The following PEBP4 variants were observed in gnomAD, a reference collection of about 807,000 sequenced individuals.
PEBP4 encodes the protein phosphatidylethanolamine-binding protein 4.
In PEBP4, 22 loss-of-function variants were observed where a neutral mutation model predicts 23.9. The observed-to-expected ratio is 0.92, with a 90% CI of 0.66 to 1.31. PEBP4 has a LOEUF of 1.31. Ranked by LOEUF, PEBP4 falls within the 40% of genes most tolerant of loss-of-function variation. PEBP4 has a pLI of 0.00. For synonymous variants in PEBP4, 112 were observed against 99.3 expected (o/e 1.13, Z -0.76); for missense variants, 324 against 281.7 (o/e 1.15, Z -1.07).
At chr8:22,727,954 G>A (rs1804650969) in intron 4 of PEBP4, among the ~76,000 whole-genome samples, 1 of 152,184 alleles carries the variant, frequency 6.6e-6, no homozygotes, top group South Asian at 2.1e-4. Flanking sequence ...ACTGGGAGAT[G>A]CTCAGATGAA....
chr8:22,844,425 G>T (rs1480111367), intron 3 of PEBP4, among the ~76,000 whole-genome samples: 1 of 152,074 alleles, frequency 6.6e-6, no homozygotes, highest in Non-Finnish European at 1.5e-5. Context: ...TTTTAATAGA[G>T]ACGGGCTTTC....
intron 3 of PEBP4, among the ~76,000 whole-genome samples, chr8:22,876,718 A>C (rs1463791869): frequency 6.6e-6 from 1 of 152,230 alleles, no homozygotes; most frequent in Non-Finnish European, 1.5e-5. Flanking sequence ...GAAGTAAATA[A>C]ATGAGTTAGG....
chr8:22,920,063 A>C, intron 3 of PEBP4, 121 bp downstream of exon 3: 1 of 1,233,482 alleles, frequency 8.1e-7, no homozygotes. Flanking sequence ...AGCCATCTGC[A>C]GCCACCAGAC....
At chr8:22,821,572 A>G (rs1030658811) in intron 3 of PEBP4, among the ~76,000 whole-genome samples, 2 of 152,186 alleles carry the variant, frequency 1.3e-5, no homozygotes, top group Admixed American at 1.3e-4. Context: ...GCGCTCTCTC[A>G]AGACTTGGCA....
At position 22,817,693 on chromosome 8, in the gene PEBP4, T is replaced by C; in HGVS notation, c.301A>G (p.Ser101Gly). Residue 101 changes from serine to glycine, a missense_variant, in exon 4 of 7, where the codon AGC (serine) becomes GGC (glycine). Coordinates refer to ENST00000256404, the MANE Select transcript of PEBP4 (RefSeq NM_144962.3). ...AATCTCTGTCTGGGTTCTGCTCTGC[T>C]AGGGGCATCTGGATCCACCATCACC... is the stretch of plus-strand genomic sequence containing the variant. Reference protein sequence around the residue: ...ILVMVDPDAPSRAEPRQRFWR... With the variant: ...ILVMVDPDAPGRAEPRQRFWR... 6.2e-7 allele frequency: 1 copy of C among 1,614,228 alleles called. No individual in the cohort carries two copies. Among genetic ancestry groups the C allele is most frequent in the Non-Finnish European group, 8.5e-7 (1 of 1,180,026 alleles).
At chr8:22,828,445 C>A (rs1807018947) in intron 3 of PEBP4, among the ~76,000 whole-genome samples, 1 of 152,214 alleles carries the variant, frequency 6.6e-6, no homozygotes, top group Non-Finnish European at 1.5e-5. Flanking sequence ...TGCTCTGGAA[C>A]TGCCACTGAC....
intron 3 of PEBP4, chr8:22,883,966 C>A (rs1197932825): frequency 2.6e-5 from 4 of 152,220 alleles, no homozygotes; most frequent in Non-Finnish European, 5.9e-5. Flanking sequence ...AGGGTTCACA[C>A]ATATTTATGT....
intron 3 of PEBP4, among the ~76,000 whole-genome samples, chr8:22,862,296 CTA>C (rs997106820): frequency 6.6e-6 from 1 of 152,130 alleles, no homozygotes; most frequent in Non-Finnish European, 1.5e-5. Flanking sequence ...CTATAACATT[CTA>C]TGATTCCATA....
At position 22,927,611 on chromosome 8, in the gene PEBP4, A is replaced by G. The variant is rs778087882; in HGVS notation, c.104T>C (p.Leu35Pro). ...DENSPCAHEA[L>P]LDEDTLFCQG... ...GCAAAAGAGGGTGTCCTCGTCCAAGAGGGCCTCATGGGCACACGGGCTGTT... is the reference window on the plus strand; with the variant it reads ...GCAAAAGAGGGTGTCCTCGTCCAAGGGGGCCTCATGGGCACACGGGCTGTT... Residue 35 changes from leucine to proline, a missense_variant, in exon 2 of 7, where the codon CTC becomes CCC. Transcript: ENST00000256404. 3.7e-6 allele frequency: 6 copies of G among 1,612,396 alleles called. No homozygotes were observed. The Admixed American group carries it at 1.0e-4, about 27-fold the overall frequency.
At chr8:22,719,441 C>T (rs1804477813) in intron 6 of PEBP4, among the ~76,000 whole-genome samples, 3 of 152,166 alleles carry the variant, frequency 2.0e-5, no homozygotes, top group Non-Finnish European at 4.4e-5. Flanking sequence ...ACCGCAGCTC[C>T]CCAGGATTCT....
intron 4 of PEBP4, among the ~76,000 whole-genome samples, chr8:22,729,453 G>GCA: frequency 6.6e-6 from 1 of 152,274 alleles, no homozygotes; most frequent in East Asian, 1.9e-4. Context: ...GAGCAGGCAA[G>GCA]GGTGGGGGCC....
rs142095623 is a variant in PEBP4, at chr8:22,844,914, G to T, written c.259-27179C>A. Among the ~76,000 whole-genome samples, 1,149 of 152,326 alleles carry T rather than the reference G, an allele frequency of 7.5e-3. 7 individuals carry two copies. The highest frequency in any genetic ancestry group is 0.013 in the Non-Finnish European group (861 of 68,036). On this transcript the variant is annotated intron_variant, in intron 3 of 6. Coordinates refer to ENST00000256404, the MANE Select transcript of PEBP4 (RefSeq NM_144962.3). The stretch of plus-strand genomic sequence containing the variant: ...CAGTGTATGCCCTGGCACAAGGAAA[G>T]GTGGGCCACTCTCAACCCTATGAAC...
intron 3 of PEBP4, among the ~76,000 whole-genome samples, chr8:22,906,920 TAGAAGGTGGTGAA>T (rs1204783191): frequency 6.6e-6 from 1 of 152,068 alleles, no homozygotes; most frequent in Non-Finnish European, 1.5e-5. Context: ...ATATGTAAGT[TAGAAGGTGGTGAA>T]GGAAAGTGGT....
chr8:22,777,571 T>TA (rs1425018415), intron 4 of PEBP4, among the ~76,000 whole-genome samples: 1 of 152,158 alleles, frequency 6.6e-6, no homozygotes, highest in Admixed American at 6.5e-5. Context: ...CCAGGACACT[T>TA]ACCCCCTGGC....
intron 3 of PEBP4, among the ~76,000 whole-genome samples, chr8:22,818,998 T>C (rs139115052): frequency 5.3e-4 from 80 of 152,206 alleles, no homozygotes; most frequent in African/African-American, 1.8e-3. Context: ...CATTCAGAGT[T>C]CTGGTTTAGA....
chr8:22,936,209 T>G (rs1339080275), intron 1 of PEBP4, among the ~76,000 whole-genome samples: 1 of 151,112 alleles, frequency 6.6e-6, no homozygotes, highest in Non-Finnish European at 1.5e-5. Context: ...CTCAAATTAC[T>G]AAAATAAGAA....
At chr8:22,796,747 C>T (rs572855071) in intron 4 of PEBP4, among the ~76,000 whole-genome samples, 258 of 152,132 alleles carry the variant, frequency 1.7e-3, no homozygotes, top group African/African-American at 5.9e-3. Flanking sequence ...ACAGTGGCTC[C>T]GCATGGACAT....
chr8:22,908,024 A>G (rs541784774), intron 3 of PEBP4, among the ~76,000 whole-genome samples: 4 of 151,942 alleles, frequency 2.6e-5, no homozygotes, highest in South Asian at 2.1e-4. Context: ...AAAAAAAAAA[A>G]AGAGATACTG....
chr8:22,902,565 C>T (rs902148167), intron 3 of PEBP4, among the ~76,000 whole-genome samples: 3 of 152,070 alleles, frequency 2.0e-5, no homozygotes, highest in African/African-American at 7.3e-5. Context: ...GCAACCTCTC[C>T]CTCCTGCACA....
Sources: allele counts gnomAD v4.1 joint callset (sites outside exome capture counted in the v4.1 genomes callset), GRCh38; gene constraint gnomAD v4.1.1; transcripts MANE v1.5; gene names NCBI Gene and HGNC (gene_info 2026-07-23, HGNC 2026-07-21).